TENM4: variants seen among roughly 807,000 people sequenced by gnomAD.
TENM4 encodes the protein teneurin transmembrane protein 4.
A neutral mutation model predicts 243.3 loss-of-function variants in TENM4; 82 were observed. The observed-to-expected ratio is 0.34, with a 90% CI of 0.28 to 0.40. The LOEUF (loss-of-function observed/expected upper bound fraction) is 0.40. Among genes scored for constraint, TENM4 ranks in the 10% least tolerant of loss-of-function variants. The pLI, the probability that TENM4 is intolerant of heterozygous loss-of-function variation, is 1.00. For missense variants in TENM4, 3,138 were observed against 3,673.3 expected (o/e 0.85, Z 3.77); for synonymous variants, 1,412 against 1,456.3 (o/e 0.97, Z 0.69).
intron 22 of TENM4, among the ~76,000 whole-genome samples, chr11:78,727,824 C>G (rs563444): frequency 0.23 from 35,256 of 152,124 alleles, 4,844 homozygotes; most frequent in African/African-American, 0.39. Context: ...TTCTGGGCAG[C>G]CACTATTTTC....
chr11:78,660,936 C>A (rs1858014747), intron 33 of TENM4, among the ~76,000 whole-genome samples: 3 of 152,196 alleles, frequency 2.0e-5, no homozygotes, highest in African/African-American at 7.2e-5. Flanking sequence ...GCACTGTACT[C>A]AGCAAGAGGA....
chr11:78,769,392 CCTT>C (rs1461348229), intron 18 of TENM4, among the ~76,000 whole-genome samples: 1 of 152,142 alleles, frequency 6.6e-6, no homozygotes, highest in Non-Finnish European at 1.5e-5. Flanking sequence ...CCAAGTGTCA[CCTT>C]CTGATGAATG....
intron 6 of TENM4, among the ~76,000 whole-genome samples, chr11:78,996,572 A>G (rs540278192): frequency 1.1e-4 from 16 of 152,302 alleles, no homozygotes; most frequent in African/African-American, 3.8e-4. Flanking sequence ...TTTGTTACAC[A>G]GCAAAGGATA....
intron 9 of TENM4, among the ~76,000 whole-genome samples, chr11:78,883,214 G>A (rs1315012960): frequency 6.6e-6 from 1 of 151,952 alleles, no homozygotes; most frequent in Non-Finnish European, 1.5e-5. Flanking sequence ...CATTTAACCT[G>A]CACAACAGCC....
chr11:79,342,520 T>A (rs1373648803), intron 1 of TENM4, among the ~76,000 whole-genome samples: 3 of 152,050 alleles, frequency 2.0e-5, no homozygotes, highest in Non-Finnish European at 4.4e-5. Flanking sequence ...GCCTCCCTCT[T>A]TCAGTCTCTT....
In TENM4 at chr11:78,719,800, G is replaced by A. The variant is rs368582333; in HGVS notation, c.3821+570C>T. ...TTCTGTTTACTGCATGTCGCTGTGA[G>A]TCTACATGACAAACCTACTCTGGGA... On this transcript the variant is annotated intron_variant, in intron 25 of 33. Coordinates refer to ENST00000278550, the MANE Select transcript of TENM4 (RefSeq NM_001098816.3). 3.3e-5 allele frequency among the ~76,000 whole-genome samples: 5 copies of A among 152,328 alleles called. No individual in the cohort carries two copies. In the South Asian group the frequency reaches 8.3e-4, roughly 25 times the overall value.
At chr11:79,147,028 T>G (rs141504438) in intron 4 of TENM4, among the ~76,000 whole-genome samples, 1 of 152,112 alleles carries the variant, frequency 6.6e-6, no homozygotes, top group African/African-American at 2.4e-5. Flanking sequence ...TATACAGATA[T>G]GTACATGCAT....
Position 79,179,731 on chromosome 11 carries a change from C to T in TENM4, c.-162-30925G>A, listed in dbSNP as rs191241261. Among the ~76,000 whole-genome samples, 141 of 151,806 alleles carry T rather than the reference C, an allele frequency of 9.3e-4. 1 individual carries two copies. Among genetic ancestry groups the T allele is most frequent in the Non-Finnish European group, 1.6e-3 (106 of 67,796 alleles). On this transcript the variant is annotated intron_variant, in intron 3 of 33. Transcript: ENST00000278550. The stretch of plus-strand genomic sequence containing the variant: ...GATGATAAAAAGTTTGAAGACCAAG[C>T]GAGTGATTCAATAAAGAGTTTGACA...
At chr11:79,111,117 T>G (rs905029109) in intron 4 of TENM4, among the ~76,000 whole-genome samples, 3 of 152,106 alleles carry the variant, frequency 2.0e-5, no homozygotes, top group Admixed American at 6.5e-5. Context: ...TCTAACAAGA[T>G]CTAATGGTTT....
chr11:79,173,750 C>A (rs1031218639), intron 3 of TENM4, among the ~76,000 whole-genome samples: 6 of 152,164 alleles, frequency 3.9e-5, no homozygotes, highest in African/African-American at 1.4e-4. Flanking sequence ...GTATAGCAAT[C>A]TGGGACTCGA....
intron 4 of TENM4, among the ~76,000 whole-genome samples, chr11:79,135,231 A>G (rs1381489134): frequency 6.6e-6 from 1 of 152,152 alleles, no homozygotes; most frequent in African/African-American, 2.4e-5. Flanking sequence ...AGGGCCAACA[A>G]ACATATGAAA....
intron 7 of TENM4, among the ~76,000 whole-genome samples, chr11:78,892,967 C>T (rs1855703048): frequency 1.3e-5 from 2 of 152,248 alleles, no homozygotes; most frequent in African/African-American, 2.4e-5. Context: ...CGAGGAGGGG[C>T]TGTAAGTACT....
chr11:78,805,277 T>TGCCCCCCCCCCCCACCCCC lies in TENM4; in HGVS notation c.2179+14_2179+15insGGGGGTGGGGGGGGGGGGC. On this transcript the variant is annotated intron_variant, in intron 15 of 33. Coordinates refer to ENST00000278550, the MANE Select transcript of TENM4 (RefSeq NM_001098816.3). The stretch of plus-strand genomic sequence containing the variant: ...CCCCTCCCTCTACCCATGCTTCTTC[T>TGCCCCCCCCCCCCACCCCC]CCCCCTGCATTTACCGATAGAACAG... 1 of 1,402,550 alleles carries TGCCCCCCCCCCCCACCCCC rather than the reference T, an allele frequency of 7.1e-7. No individual in the cohort carries two copies. The highest frequency in any genetic ancestry group is 9.7e-7 in the Non-Finnish European group (1 of 1,033,116). 86.9% of individuals were successfully genotyped at this position (1,402,550 alleles called of 1,614,324 possible).
Position 79,296,094 on chromosome 11 carries a change from C to T in TENM4, c.-265+1394G>A, listed in dbSNP as rs544143706. On this transcript the variant is annotated intron_variant, in intron 2 of 33. Transcript: ENST00000278550. ...GAAAAGCCAGATCACTGAGGTCATT[C>T]GTGCACCTTTTGAAATTCCAGACAT... Among the ~76,000 whole-genome samples, 11 of 152,256 alleles carry T rather than the reference C, an allele frequency of 7.2e-5. No homozygotes were observed. The East Asian group carries it at 1.5e-3, about 21-fold the overall frequency.
intron 6 of TENM4, among the ~76,000 whole-genome samples, chr11:78,962,874 T>C (rs1298664360): frequency 6.6e-6 from 1 of 152,242 alleles, no homozygotes; most frequent in African/African-American, 2.4e-5. Flanking sequence ...TAGAGAGAGC[T>C]GGAGAGAATG....
At chr11:79,066,622 GCA>G (rs749352968) in intron 5 of TENM4, among the ~76,000 whole-genome samples, 2 of 149,922 alleles carry the variant, frequency 1.3e-5, no homozygotes, top group Admixed American at 6.6e-5. Flanking sequence ...ACACACGTGC[GCA>G]CACACATGAA....
At chr11:79,246,873 C>T (rs74579081) in intron 2 of TENM4, among the ~76,000 whole-genome samples, 2,429 of 94,724 alleles carry the variant, frequency 0.026, 78 homozygotes, top group African/African-American at 0.13. Context: ...GGAATATTAC[C>T]GGTGTTCTAT....
chr11:78,849,281 T>G (rs768463545), intron 12 of TENM4, among the ~76,000 whole-genome samples: 1 of 152,236 alleles, frequency 6.6e-6, no homozygotes, highest in Non-Finnish European at 1.5e-5. Context: ...TAATGACTTC[T>G]CAAGAAAACT....
chr11:79,141,957 C>T (rs1309816151), intron 4 of TENM4, among the ~76,000 whole-genome samples: 1 of 151,878 alleles, frequency 6.6e-6, no homozygotes, highest in Non-Finnish European at 1.5e-5. Flanking sequence ...GATAAAAATT[C>T]TAAAAAACTT....
Sources: allele counts gnomAD v4.1 joint callset (sites outside exome capture counted in the v4.1 genomes callset), GRCh38; gene constraint gnomAD v4.1.1; transcripts MANE v1.5; gene names NCBI Gene and HGNC (gene_info 2026-07-23, HGNC 2026-07-21).